The following SHISA9 variants were observed in gnomAD, a reference collection of about 807,000 sequenced individuals.
SHISA9 encodes the protein protein shisa-9.
SHISA9 carries 13 observed loss-of-function variants against 38.0 expected under a neutral mutation model. The ratio of observed to expected loss-of-function variants is 0.34; its 90% CI spans 0.22 to 0.54. The LOEUF (loss-of-function observed/expected upper bound fraction) is 0.54. SHISA9 is among the 20% of genes least tolerant of loss of function. The pLI is 0.91. For synonymous variants in SHISA9, 275 were observed against 242.0 expected, an observed-to-expected ratio of 1.14 and a Z score of -1.27; for missense variants, 538 against 575.8, an observed-to-expected ratio of 0.93 and a Z score of 0.67.
At chr16:13,125,512 T>C (rs1187454325) in intron 2 of SHISA9, among the ~76,000 whole-genome samples, 1 of 152,212 alleles carries the variant, frequency 6.6e-6, no homozygotes, top group East Asian at 1.9e-4. Context: ...TGTGATGGCT[T>C]ACAGTCATGA....
the SHISA9 span, among the ~76,000 whole-genome samples, chr16:13,407,406 G>T: frequency 9.9e-5 from 15 of 152,198 alleles, no homozygotes; most frequent in East Asian, 2.9e-3. Context: ...TTTTAAGGGC[G>T]GTAATCTCAC....
intron 1 of SHISA9, chr16:12,909,213 C>G: frequency 1.0e-6 from 1 of 985,670 alleles, no homozygotes; most frequent in South Asian, 4.7e-5. Flanking sequence ...TTTTAAAAAT[C>G]AACTTCATTG....
the SHISA9 span, among the ~76,000 whole-genome samples, chr16:13,425,858 G>A: frequency 1.3e-5 from 2 of 152,078 alleles, no homozygotes; most frequent in Non-Finnish European, 2.9e-5. Flanking sequence ...CCAAGCCACA[G>A]GAAGACCCCA....
intron 2 of SHISA9, among the ~76,000 whole-genome samples, chr16:12,994,030 T>C (rs1178411761): frequency 6.6e-6 from 1 of 152,184 alleles, no homozygotes; most frequent in Non-Finnish European, 1.5e-5. Context: ...GACACCTGGC[T>C]AAAAACCCCA....
the SHISA9 span, among the ~76,000 whole-genome samples, chr16:13,315,332 T>A: frequency 1.3e-5 from 2 of 152,218 alleles, no homozygotes; most frequent in Non-Finnish European, 2.9e-5. Context: ...AGCTTGTATG[T>A]CAAAGGACGT....
At chr16:12,916,553 C>T (rs2071259585) in intron 1 of SHISA9, 135 bp from the exon 2 acceptor site, 1 of 1,059,008 alleles carries the variant, frequency 9.4e-7, no homozygotes, top group Non-Finnish European at 1.3e-6. Context: ...TTTTTCTCTA[C>T]TCCACCCCTA....
rs578091413 is a variant in SHISA9 at position 12,974,879 on chromosome 16, T to C, written c.691+58064T>C. On this transcript the variant is annotated intron_variant, in intron 2 of 4. Coordinates refer to ENST00000558583, the MANE Select transcript of SHISA9 (RefSeq NM_001145204.3). ...TATGTCTACATCTATAACTCTATATTTATCTGCATTTACATCTATCACATC... is the reference window on the plus strand; with the variant it reads ...TATGTCTACATCTATAACTCTATATCTATCTGCATTTACATCTATCACATC... Among the ~76,000 whole-genome samples the C allele has an allele frequency of 5.3e-5, 8 of 152,326 alleles. No individual in the cohort carries two copies. The South Asian group carries it at 1.2e-3, about 24-fold the overall frequency.
At chr16:13,245,397 C>G (rs1014999770), downstream of SHISA9, among the ~76,000 whole-genome samples, 1 of 152,186 alleles carries the variant, frequency 6.6e-6, no homozygotes, top group African/African-American at 2.4e-5. Flanking sequence ...CTTAGAGCTA[C>G]TTACCTATTC....
chr16:13,307,236 G>C, the SHISA9 span, among the ~76,000 whole-genome samples: 16 of 152,134 alleles, frequency 1.1e-4, no homozygotes, highest in African/African-American at 3.9e-4. Context: ...TATGTGCACA[G>C]GACTTAAGCC....
chr16:13,114,105 T>C (rs1171701423), intron 2 of SHISA9, among the ~76,000 whole-genome samples: 1 of 152,146 alleles, frequency 6.6e-6, no homozygotes, highest in African/African-American at 2.4e-5. Context: ...ACTCACAATA[T>C]TGAAGGCTCC....
chr16:13,420,445 C>A, the SHISA9 span, among the ~76,000 whole-genome samples: 1 of 151,772 alleles, frequency 6.6e-6, no homozygotes, highest in Non-Finnish European at 1.5e-5. Flanking sequence ...GGATCTAACC[C>A]AGTCTTGGGA....
rs867019619 is a variant in SHISA9 at position 13,211,324 on chromosome 16, G to A, written c.848-1929G>A. 2.3e-3 allele frequency among the ~76,000 whole-genome samples: 331 copies of A among 142,756 alleles called. 1 individual carries two copies. The highest frequency in any genetic ancestry group is 4.0e-3 in the Non-Finnish European group (268 of 67,544). The allele number at this position is 142,756 out of a possible 152,430, so 93.7% of individuals were successfully genotyped here. ...CTGTCTCAAGAAAAGAAAAAAAAAAGAAAGTAAAAATTTCCCTATGATGTT... is the reference window on the plus strand; with the variant it reads ...CTGTCTCAAGAAAAGAAAAAAAAAAAAAAGTAAAAATTTCCCTATGATGTT... On this transcript the variant is annotated intron_variant, in intron 3 of 4. Transcript: ENST00000558583.
the SHISA9 span, among the ~76,000 whole-genome samples, chr16:13,443,119 G>GT: frequency 3.2e-4 from 48 of 152,228 alleles, 1 homozygote; most frequent in Non-Finnish European, 5.3e-4. Context: ...ACAACATACT[G>GT]TTTTTTCTGG....
chr16:13,420,664 G>C, the SHISA9 span, among the ~76,000 whole-genome samples: 1 of 152,154 alleles, frequency 6.6e-6, no homozygotes, highest in African/African-American at 2.4e-5. Context: ...CATTATGGCT[G>C]AGGCAGCCTG....
chr16:13,283,182 C>G, the SHISA9 span, among the ~76,000 whole-genome samples: 5 of 152,044 alleles, frequency 3.3e-5, no homozygotes, highest in East Asian at 1.9e-4. Flanking sequence ...TCACTAGGAA[C>G]TTTGTGCAAC....
intron 4 of SHISA9, among the ~76,000 whole-genome samples, chr16:13,224,649 T>A (rs1300115330): frequency 1.3e-5 from 2 of 152,150 alleles, no homozygotes; most frequent in Non-Finnish European, 2.9e-5. Flanking sequence ...AGCTTTATAT[T>A]CTGGTTAAGG....
At chr16:13,024,678 ATTTCAC>A (rs1201789590) in intron 2 of SHISA9, among the ~76,000 whole-genome samples, 2 of 152,152 alleles carry the variant, frequency 1.3e-5, no homozygotes, top group Non-Finnish European at 2.9e-5. Flanking sequence ...CAAGTGAGCT[ATTTCAC>A]TTCTCTGAGC....
chr16:13,344,402 C>T, the SHISA9 span, among the ~76,000 whole-genome samples: 3,277 of 152,244 alleles, frequency 0.022, 52 homozygotes, highest in African/African-American at 0.041. Context: ...GTGCTGCAAA[C>T]TTGTTTTCCC....
At chr16:13,357,659 T>A in the SHISA9 span, among the ~76,000 whole-genome samples, 1 of 152,102 alleles carries the variant, frequency 6.6e-6, no homozygotes, top group African/African-American at 2.4e-5. Flanking sequence ...GCAGGCGGGC[T>A]GAGTCCAAAA....
Sources: allele counts gnomAD v4.1 joint callset (sites outside exome capture counted in the v4.1 genomes callset), GRCh38; gene constraint gnomAD v4.1.1; transcripts MANE v1.5; gene names NCBI Gene and HGNC (gene_info 2026-07-23, HGNC 2026-07-21).